PPFIBP1: variants seen among roughly 807,000 people sequenced by gnomAD.
PPFIBP1 encodes liprin-beta-1.
In PPFIBP1, 112 loss-of-function variants were observed where a neutral mutation model predicts 137.8. That is an observed-to-expected ratio of 0.81 (90% CI 0.70 to 0.95). PPFIBP1 has a LOEUF of 0.95. PPFIBP1 is among the 40% of genes least tolerant of loss of function. The probability of loss-of-function intolerance (pLI) is 0.00; values close to 1 mark genes in which losing one functional copy is unlikely to be tolerated. For synonymous variants in PPFIBP1, 378 were observed against 417.3 expected (o/e 0.91, Z 1.15); for missense variants, 1,083 against 1,196.6 (o/e 0.91, Z 1.40).
rs2051556514 is a variant in PPFIBP1, at chr12:27,584,957, AG to A, written c.-36+6720del. Among the ~76,000 whole-genome samples the A allele has an allele frequency of 2.0e-5, 3 of 152,334 alleles. No individual in the cohort carries two copies. In the South Asian group the frequency reaches 6.2e-4, roughly 32 times the overall value. ...CTGATGGCCCACTGTAGGGCATCTT[AG>A]GAATCTCATGCATCATTTTAGCCTA... On this transcript the variant is annotated intron_variant, in intron 2 of 29. Coordinates refer to ENST00000228425, the MANE Select transcript of PPFIBP1 (RefSeq NM_003622.4).
At chr12:27,639,908 C>T (rs954532837) in intron 4 of PPFIBP1, among the ~76,000 whole-genome samples, 7 of 152,176 alleles carry the variant, frequency 4.6e-5, no homozygotes, top group African/African-American at 9.7e-5. Flanking sequence ...AAGCAGTCCC[C>T]GTCCTACCAC....
chr12:27,647,289 C>T (rs1375537817), intron 5 of PPFIBP1, among the ~76,000 whole-genome samples: 1 of 152,072 alleles, frequency 6.6e-6, no homozygotes, highest in Admixed American at 6.5e-5. Context: ...GCGTGAGCCA[C>T]CGTGCATGCT....
intron 21 of PPFIBP1, among the ~76,000 whole-genome samples, chr12:27,680,320 A>C: frequency 6.6e-6 from 1 of 152,196 alleles, no homozygotes; most frequent in Non-Finnish European, 1.5e-5. Flanking sequence ...TCAGACTTAA[A>C]TTTTACGTAG....
intron 19 of PPFIBP1, 149 bp downstream of exon 19, chr12:27,677,245 C>A: frequency 2.2e-6 from 2 of 906,558 alleles, no homozygotes; most frequent in Non-Finnish European, 1.7e-6. Context: ...CCACCTTCTG[C>A]TAAAAAGGAC....
intron 1 of PPFIBP1, among the ~76,000 whole-genome samples, chr12:27,571,201 G>A (rs2050114429): frequency 6.6e-6 from 1 of 152,162 alleles, no homozygotes; most frequent in Non-Finnish European, 1.5e-5. Context: ...TCTGATGGAT[G>A]TACCTCAGTG....
chr12:27,687,212 T>C lies in PPFIBP1; in HGVS notation c.2248-173T>C, dbSNP rs138351765. 1.2e-3 allele frequency among the ~76,000 whole-genome samples: 178 copies of C among 152,226 alleles called. 1 individual carries two copies. The highest frequency in any genetic ancestry group is 2.3e-3 in the Non-Finnish European group (158 of 68,018). On this transcript the variant is annotated intron_variant, in intron 24 of 29. Coordinates refer to ENST00000228425, the MANE Select transcript of PPFIBP1 (RefSeq NM_003622.4). ...GCTTCATTGGCAAAAAATACTAATC[T>C]GGGGTTTGGGGGAAGATTTTGTTCC... is the stretch of plus-strand genomic sequence containing the variant.
chr12:27,527,066 C>T (rs1053939536), intron 1 of PPFIBP1, among the ~76,000 whole-genome samples: 2 of 151,990 alleles, frequency 1.3e-5, no homozygotes, highest in African/African-American at 2.4e-5. Flanking sequence ...TCATTTTTCC[C>T]CTCAGTTACT....
intron 24 of PPFIBP1, among the ~76,000 whole-genome samples, chr12:27,684,145 GC>G (rs1177754600): frequency 1.3e-5 from 2 of 151,362 alleles, no homozygotes; most frequent in Non-Finnish European, 2.9e-5. Flanking sequence ...GTCTCACTCT[GC>G]TGCCCAGGCT....
chr12:27,591,803 A>C (rs918013532), intron 2 of PPFIBP1, among the ~76,000 whole-genome samples: 2 of 152,226 alleles, frequency 1.3e-5, no homozygotes, highest in Non-Finnish European at 2.9e-5. Flanking sequence ...AGCCAAGGCA[A>C]CACATGCTAG....
At chr12:27,629,289 A>G (rs2057092551) in intron 2 of PPFIBP1, among the ~76,000 whole-genome samples, 1 of 152,202 alleles carries the variant, frequency 6.6e-6, no homozygotes, top group African/African-American at 2.4e-5. Flanking sequence ...GGGATTCTTT[A>G]TGCCTGACAA....
chr12:27,600,125 A>T lies in PPFIBP1; in HGVS notation c.-36+21886A>T, dbSNP rs538360028. On this transcript the variant is annotated intron_variant, in intron 2 of 29. Coordinates refer to ENST00000228425, the MANE Select transcript of PPFIBP1 (RefSeq NM_003622.4). ...TGTTTGCAACTTCTCTGTAAGTCTA[A>T]AATTAGGTCAAAATAAAGAGTTGAA... is the stretch of plus-strand genomic sequence containing the variant. Among the ~76,000 whole-genome samples the T allele has an allele frequency of 2.0e-3, 301 of 152,228 alleles. 2 individuals carry two copies. The highest frequency in any genetic ancestry group is 7.1e-3 in the African/African-American group (294 of 41,530).
chr12:27,647,629 T>C lies in PPFIBP1; in HGVS notation c.358-100T>C. 4.3e-6 allele frequency: 3 copies of C among 700,364 alleles called. No homozygotes were observed. In the South Asian group the frequency reaches 8.0e-5, roughly 19 times the overall value. The allele number at this position is 700,364 out of a possible 1,614,324, so 43.4% of individuals were successfully genotyped here. A position where few individuals can be genotyped will look rare whatever the true frequency, so the allele number is the denominator to read the frequency against. On this transcript the variant is annotated intron_variant, in intron 5 of 29. Coordinates refer to ENST00000228425, the MANE Select transcript of PPFIBP1 (RefSeq NM_003622.4). ...TTTTTTTTCTTTATAACCGTATGAATGGTAGGATCATTCCTTTTTTTGTTC... is the reference window on the plus strand; with the variant it reads ...TTTTTTTTCTTTATAACCGTATGAACGGTAGGATCATTCCTTTTTTTGTTC...
chr12:27,586,263 G>T (rs112058987), intron 2 of PPFIBP1, among the ~76,000 whole-genome samples: 6 of 152,188 alleles, frequency 3.9e-5, no homozygotes, highest in African/African-American at 1.4e-4. Context: ...TTTTTAACCT[G>T]GGATGGAAGA....
intron 23 of PPFIBP1, 44 bp downstream of exon 23, chr12:27,682,542 A>G (rs368288024): frequency 8.8e-5 from 141 of 1,602,498 alleles, no homozygotes; most frequent in Non-Finnish European, 1.2e-4. Flanking sequence ...TTATATACAT[A>G]GTTGCTTTTT....
intron 1 of PPFIBP1, among the ~76,000 whole-genome samples, chr12:27,577,052 G>A (rs2050628984): frequency 6.6e-6 from 1 of 152,128 alleles, no homozygotes; most frequent in South Asian, 2.1e-4. Context: ...CATATATGAA[G>A]CCAGTGGTAG....
intron 1 of PPFIBP1, among the ~76,000 whole-genome samples, chr12:27,533,926 ACTCGTTACAAAG>A (rs148569389): frequency 0.092 from 13,930 of 152,108 alleles, 915 homozygotes; most frequent in East Asian, 0.27. Flanking sequence ...AGTGCAACAG[ACTCGTTACAAAG>A]CTGTATCCAA....
intron 13 of PPFIBP1, among the ~76,000 whole-genome samples, chr12:27,669,039 A>G (rs1352010966): frequency 6.6e-6 from 1 of 152,116 alleles, no homozygotes; most frequent in Admixed American, 6.6e-5. Context: ...CATTGTTTAA[A>G]CAATCTTGGC....
In PPFIBP1 at chr12:27,654,578, T is replaced by C. The variant is rs562958473; in HGVS notation, c.604-144T>C. The C allele has an allele frequency of 3.8e-6, 4 of 1,053,446 alleles. No individual in the cohort carries two copies. The South Asian group carries it at 1.2e-4, about 33-fold the overall frequency. The allele number at this position is 1,053,446 out of a possible 1,614,324, so 65.3% of individuals were successfully genotyped here. On this transcript the variant is annotated intron_variant, in intron 7 of 29. Coordinates refer to ENST00000228425, the MANE Select transcript of PPFIBP1 (RefSeq NM_003622.4). ...ATGCCTTCGTTCTTAAGGAGGTACA[T>C]TTATTTCCATTTGTCTCATCTGATT... is the stretch of plus-strand genomic sequence containing the variant.
At chr12:27,540,933 T>G (rs1945584353) in intron 1 of PPFIBP1, among the ~76,000 whole-genome samples, 1 of 152,226 alleles carries the variant, frequency 6.6e-6, no homozygotes, top group Non-Finnish European at 1.5e-5. Flanking sequence ...TCTATCATAG[T>G]TGCTGCAAAT....
Sources: gnomAD v4.1 joint callset for allele counts (sites outside exome capture counted in the v4.1 genomes callset) on GRCh38, gnomAD v4.1.1 for gene constraint, MANE v1.5 for transcripts, NCBI Gene and HGNC (gene_info 2026-07-23, HGNC 2026-07-21) for gene names.